Variants in RPP40 observed in about 807,000 individuals in gnomAD.
RPP40 encodes ribonuclease P/MRP subunit p40, also known as ribonuclease P protein subunit p40.
Under a neutral mutation model 42.5 loss-of-function variants are expected in RPP40, and 30 were observed. The observed-to-expected ratio is 0.71, with a 90% CI of 0.53 to 0.96. The LOEUF (loss-of-function observed/expected upper bound fraction) is 0.96, where lower values mean the gene tolerates loss of function less well. Among genes scored for constraint, RPP40 ranks in the 40% least tolerant of loss-of-function variants. The pLI, the probability that RPP40 is intolerant of heterozygous loss-of-function variation, is 0.00. For missense variants in RPP40, 426 were observed against 433.5 expected (o/e 0.98, Z 0.15); for synonymous variants, 173 against 164.0 (o/e 1.05, Z -0.42).
At chr6:4,989,920 A>G (rs1379352040), downstream of RPP40, among the ~76,000 whole-genome samples, 1 of 152,046 alleles carries the variant, frequency 6.6e-6, no homozygotes, top group Non-Finnish European at 1.5e-5. Flanking sequence ...GATGTCCATT[A>G]TTTCTGTTTG....
chr6:5,000,005 A>G, intron 3 of RPP40, 101 bp from the exon 4 acceptor site: 1 of 679,838 alleles, frequency 1.5e-6, no homozygotes, highest in Non-Finnish European at 2.7e-6. Context: ...TATCAATGTA[A>G]CAAACTGCAT....
In RPP40 at chr6:5,003,943, G is replaced by A. The variant is rs376132415; in HGVS notation, c.60C>T (p.Ser20=). The change falls in exon 1 of 8, where the codon TCC becomes TCT. Residue 20 remains serine (S), a synonymous_variant. Coordinates refer to ENST00000380051, the MANE Select transcript of RPP40 (RefSeq NM_006638.4). ...GGCGCGACTTGTGGTTGCCGAAGTTGGATTTCTCGCAAACCAGTAAGTGCC... is the reference window on the plus strand; with the variant it reads ...GGCGCGACTTGTGGTTGCCGAAGTTAGATTTCTCGCAAACCAGTAAGTGCC... ...APRHLLVCEK[S]NFGNHKSRHR... is the part of the protein sequence containing the mutation. 240 of 1,613,584 alleles carry A rather than the reference G, an allele frequency of 1.5e-4. No homozygotes were observed. The highest frequency in any genetic ancestry group is 2.0e-4 in the Non-Finnish European group (234 of 1,179,772).
intron 1 of RPP40, 51 bp from the exon 2 acceptor site, chr6:5,002,296 C>T (rs781729936): frequency 7.0e-7 from 1 of 1,438,548 alleles, no homozygotes; most frequent in Non-Finnish European, 9.3e-7. Context: ...AAGATGAACA[C>T]CCAGGTTTTT....
At chr6:5,003,313 C>T (rs1286676818) in intron 1 of RPP40, among the ~76,000 whole-genome samples, 1 of 141,412 alleles carries the variant, frequency 7.1e-6, no homozygotes, top group Non-Finnish European at 1.5e-5. Context: ...CGCCACTGCA[C>T]TCCAGCCTGG....
chr6:5,003,842 T>C, intron 1 of RPP40, 38 bp downstream of exon 1: 2 of 1,588,006 alleles, frequency 1.3e-6, no homozygotes, highest in Middle Eastern at 1.7e-4. Flanking sequence ...ACGCGGGGAC[T>C]GAGCACGGCC....
chr6:4,998,541 G>A (rs370439746), intron 5 of RPP40, 175 bp downstream of exon 5: 151 of 446,948 alleles, frequency 3.4e-4, no homozygotes, highest in African/African-American at 2.9e-3. Context: ...ACATGATCCT[G>A]AACTATGGTT....
downstream of RPP40, among the ~76,000 whole-genome samples, chr6:4,994,162 C>T (rs556769848): frequency 8.2e-5 from 12 of 147,014 alleles, no homozygotes; most frequent in Non-Finnish European, 1.0e-4. Context: ...AACCAAACAC[C>T]GCATGTTTTC....
rs975727185 is a variant in RPP40, at chr6:4,996,300, A to G, written c.680T>C (p.Leu227Pro). 2.5e-6 allele frequency: 4 copies of G among 1,614,166 alleles called. No homozygotes were observed. In the East Asian group the frequency reaches 8.9e-5, roughly 36 times the overall value. Residue 227 changes from leucine (L) to proline (P), a missense_variant, in exon 6 of 8, where the codon CTG (leucine) becomes CCG (proline). By Grantham distance (98) the Leu-to-Pro change is moderately conservative. Transcript: ENST00000380051. Reference sequence around the variant, plus strand: ...GCAGGACACCTCTGGCGTTCCCTCCAGCTCGCTGCTCTGCAGCACTGGGCA... The same window carrying G: ...GCAGGACACCTCTGGCGTTCCCTCCGGCTCGCTGCTCTGCAGCACTGGGCA... ...LQCPVLQSSE[L>P]EGTPEVSCRA...
rs1342506216 is a variant in RPP40 at position 4,995,214 on chromosome 6, T to C, written c.956A>G (p.Asp319Gly). The C allele has an allele frequency of 6.2e-7, 1 of 1,614,170 alleles. No individual in the cohort carries two copies. The highest frequency in any genetic ancestry group is 8.5e-7 in the Non-Finnish European group (1 of 1,180,008). The change falls in exon 8 of 8, where the codon GAC (aspartate) becomes GGC (glycine). Residue 319 changes from aspartate to glycine, a missense_variant. Asp to Gly is a moderately conservative substitution (Grantham distance 94, BLOSUM62 -1). Transcript: ENST00000380051. ...WVTLSVQGFA[D>G]SPVSWEKNEH... Reference sequence around the variant, plus strand: ...ATTTTTTTCCCAAGAAACAGGGCTGTCTGCAAAGCCTTGAACGGACAGTGT... The same window carrying C: ...ATTTTTTTCCCAAGAAACAGGGCTGCCTGCAAAGCCTTGAACGGACAGTGT...
At position 5,002,632 on chromosome 6, in the gene RPP40, T is replaced by C. The variant is rs73717799; in HGVS notation, c.124-387A>G. 6.9e-3 allele frequency among the ~76,000 whole-genome samples: 1,057 copies of C among 152,258 alleles called. 14 individuals carry two copies. Among genetic ancestry groups the C allele is most frequent in the African/African-American group, 0.024 (998 of 41,486 alleles). On this transcript the variant is annotated intron_variant, in intron 1 of 7. Transcript: ENST00000380051. ...TGATTTGTTTACCCTGGTGTTATCC[T>C]GGAATGAAACAAACTATCTGTCGGG...
chr6:4,996,148 C>G, intron 6 of RPP40, 63 bp from the exon 7 acceptor site: 1 of 1,608,010 alleles, frequency 6.2e-7, no homozygotes, highest in Non-Finnish European at 8.5e-7. Context: ...TGATCACTTC[C>G]AAAGTATTAA....
intron 1 of RPP40, among the ~76,000 whole-genome samples, chr6:5,002,734 T>C (rs1759601484): frequency 6.6e-6 from 1 of 152,214 alleles, no homozygotes; most frequent in South Asian, 2.1e-4. Flanking sequence ...ATGTTTTCAT[T>C]TTCGAGACAG....
At chr6:4,995,925 C>T (rs757618275) in intron 7 of RPP40, 26 bp downstream of exon 7, 43 of 1,608,356 alleles carry the variant, frequency 2.7e-5, no homozygotes, top group South Asian at 2.4e-4. Context: ...CACTGATGAG[C>T]GATATAAAAG....
intron 3 of RPP40, among the ~76,000 whole-genome samples, chr6:5,000,273 C>T (rs557680055): frequency 5.3e-5 from 8 of 152,198 alleles, no homozygotes; most frequent in East Asian, 1.9e-4. Flanking sequence ...CTGCAACCTC[C>T]GCCTCCCAGG....
chr6:5,003,827 C>T (rs1435083658), intron 1 of RPP40, 53 bp downstream of exon 1: 3 of 1,573,972 alleles, frequency 1.9e-6, no homozygotes, highest in Non-Finnish European at 2.6e-6. Context: ...CCAAACCTCT[C>T]TCGCACGCGG....
chr6:4,992,671 TTGG>T (rs1322530025), downstream of RPP40, among the ~76,000 whole-genome samples: 1 of 152,186 alleles, frequency 6.6e-6, no homozygotes, highest in African/African-American at 2.4e-5. Flanking sequence ...TGCCTTTTAA[TTGG>T]TGGTGTTCAC....
At chr6:4,990,885 G>A (rs1337512075), downstream of RPP40, among the ~76,000 whole-genome samples, 1 of 152,010 alleles carries the variant, frequency 6.6e-6, no homozygotes, top group Non-Finnish European at 1.5e-5. Flanking sequence ...GGTAATTTGT[G>A]CCTTTCAAAG....
downstream of RPP40, among the ~76,000 whole-genome samples, chr6:4,993,813 G>A (rs1334518133): frequency 6.6e-6 from 1 of 152,098 alleles, no homozygotes; most frequent in East Asian, 1.9e-4. Context: ...GGGGTTGGGG[G>A]GATGGGTGAA....
chr6:4,994,276 T>A (rs1192731627), downstream of RPP40, among the ~76,000 whole-genome samples: 1 of 149,416 alleles, frequency 6.7e-6, no homozygotes, highest in Non-Finnish European at 1.5e-5. Context: ...GGGAGAGCAT[T>A]AGGAGATATA....
Sources: gnomAD v4.1 joint callset for allele counts (sites outside exome capture counted in the v4.1 genomes callset) on GRCh38, gnomAD v4.1.1 for gene constraint, MANE v1.5 for transcripts, NCBI Gene and HGNC (gene_info 2026-07-23, HGNC 2026-07-21) for gene names.